KIF13A: variants seen among roughly 807,000 people sequenced by gnomAD.
KIF13A encodes kinesin-like protein KIF13A.
Under a neutral mutation model 212.2 loss-of-function variants are expected in KIF13A, and 79 were observed. The observed-to-expected ratio is 0.37, with a 90% CI of 0.31 to 0.45. The LOEUF is 0.45. KIF13A is among the 20% of genes least tolerant of loss of function. The probability of loss-of-function intolerance (pLI) is 1.00; values close to 1 mark genes in which losing one functional copy is unlikely to be tolerated. For synonymous variants in KIF13A, 789 were observed against 808.6 expected (o/e 0.98, Z 0.41); for missense variants, 1,901 against 2,209.0 (o/e 0.86, Z 2.79).
chr6:17,937,604 A>C (rs1776578073), intron 2 of KIF13A, among the ~76,000 whole-genome samples: 1 of 152,214 alleles, frequency 6.6e-6, no homozygotes, highest in African/African-American at 2.4e-5. Flanking sequence ...TGCTAAGTGA[A>C]ATTATAGTTT....
At chr6:17,814,047 G>A (rs1197844462) in intron 17 of KIF13A, among the ~76,000 whole-genome samples, 5 of 148,856 alleles carry the variant, frequency 3.4e-5, no homozygotes, top group Non-Finnish European at 5.9e-5. Flanking sequence ...CCGCCTCCCA[G>A]GTTCACGCCA....
intron 16 of KIF13A, among the ~76,000 whole-genome samples, chr6:17,818,416 G>T (rs995978657): frequency 6.6e-6 from 1 of 152,212 alleles, no homozygotes; most frequent in Non-Finnish European, 1.5e-5. Flanking sequence ...CATGTAAATT[G>T]TAATAATTTT....
chr6:17,825,703 C>CA lies in KIF13A; in HGVS notation c.1786+64_1786+65insT, dbSNP rs1475254273. On this transcript the variant is annotated intron_variant, in intron 16 of 38. Transcript: ENST00000259711. The surrounding 1 kb of genome is among the most constrained non-coding windows in gnomAD (Gnocchi z 4.5). ...GGAATGACACCTGATGCATGCTTAT[C>CA]CCTCACTGAATGGTGTGAGGTGAGG... 1 of 1,395,430 alleles carries CA rather than the reference C, an allele frequency of 7.2e-7. No homozygotes were observed. Among genetic ancestry groups the CA allele is most frequent in the Non-Finnish European group, 9.9e-7 (1 of 1,009,188 alleles). 86.4% of individuals were successfully genotyped at this position (1,395,430 alleles called of 1,614,324 possible).
downstream of KIF13A, among the ~76,000 whole-genome samples, chr6:17,763,474 T>TC (rs1758682865): frequency 4.9e-5 from 1 of 20,516 alleles, no homozygotes; most frequent in Non-Finnish European, 1.1e-4. Context: ...ACACTCCATC[T>TC]CAAAAAAAAA....
At chr6:17,894,673 C>T (rs1253001590) in intron 3 of KIF13A, among the ~76,000 whole-genome samples, 1 of 152,070 alleles carries the variant, frequency 6.6e-6, no homozygotes, top group African/African-American at 2.4e-5. Flanking sequence ...AATATTGATA[C>T]ATTATTCATA....
Position 17,912,087 on chromosome 6 carries a change from A to G in KIF13A, c.147-13907T>C, listed in dbSNP as rs1259654631. Among the ~76,000 whole-genome samples, 1 of 152,182 alleles carries G rather than the reference A, an allele frequency of 6.6e-6. No homozygotes were observed. The highest frequency in any genetic ancestry group is 1.5e-5 in the Non-Finnish European group (1 of 68,048). On this transcript the variant is annotated intron_variant, in intron 2 of 38. Transcript: ENST00000259711. The surrounding 1 kb of genome is among the most constrained non-coding windows in gnomAD (Gnocchi z 4.2). Reference sequence around the variant, plus strand: ...ATAATAATTTAACTGTACATTTAAAAATAACTAAAAGAGTATAATTGGATT... The same window carrying G: ...ATAATAATTTAACTGTACATTTAAAGATAACTAAAAGAGTATAATTGGATT...
intron 6 of KIF13A, among the ~76,000 whole-genome samples, chr6:17,853,730 T>G (rs2150403497): frequency 6.6e-6 from 1 of 152,238 alleles, no homozygotes; most frequent in South Asian, 2.1e-4. Context: ...ACACATATAT[T>G]ATGATGTCAT....
In KIF13A at chr6:17,886,309, G is replaced by A. The variant is rs765810110; in HGVS notation, c.159+11859C>T. 2.0e-5 allele frequency among the ~76,000 whole-genome samples: 3 copies of A among 152,160 alleles called. No homozygotes were observed. Among genetic ancestry groups the A allele is most frequent in the Non-Finnish European group, 2.9e-5 (2 of 68,022 alleles). On this transcript the variant is annotated intron_variant, in intron 3 of 38. Transcript: ENST00000259711. The surrounding 1 kb of genome is among the most constrained non-coding windows in gnomAD (Gnocchi z 5.6). Reference sequence around the variant, plus strand: ...GCCAGGTACATAGAGCCACAGAGAGGAGAATGCTAGGCTGACTCCATGGCC... The same window carrying A: ...GCCAGGTACATAGAGCCACAGAGAGAAGAATGCTAGGCTGACTCCATGGCC...
chr6:17,796,941 G>A (rs147009228), intron 22 of KIF13A, 121 bp from the exon 23 acceptor site: 44 of 505,920 alleles, frequency 8.7e-5, no homozygotes, highest in African/African-American at 5.4e-4. Context: ...CCTTAAATCC[G>A]TCTCTTCTGT....
At chr6:17,824,774 A>AAAAC (rs1764813294) in intron 16 of KIF13A, among the ~76,000 whole-genome samples, 1 of 148,060 alleles carries the variant, frequency 6.8e-6, no homozygotes, top group South Asian at 2.1e-4. Context: ...AAAAAAAAAA[A>AAAAC]AAAAAACAAA....
Position 17,926,175 on chromosome 6 carries a change from A to C in KIF13A, c.147-27995T>G, listed in dbSNP as rs1775482782. Among the ~76,000 whole-genome samples, 1 of 152,190 alleles carries C rather than the reference A, an allele frequency of 6.6e-6. No homozygotes were observed. The highest frequency in any genetic ancestry group is 1.5e-5 in the Non-Finnish European group (1 of 68,030). On this transcript the variant is annotated intron_variant, in intron 2 of 38. Transcript: ENST00000259711. The surrounding 1 kb of genome is among the most constrained non-coding windows in gnomAD (Gnocchi z 4.3). Reference sequence around the variant, plus strand: ...TTATCTTGTATTAATATATAGAGTGACCAACATTCAGTTCTTGTAAACTTC... The same window carrying C: ...TTATCTTGTATTAATATATAGAGTGCCCAACATTCAGTTCTTGTAAACTTC...
chr6:17,877,688 T>C lies in KIF13A; in HGVS notation c.160-4251A>G, dbSNP rs1581611749. Among the ~76,000 whole-genome samples the C allele has an allele frequency of 3.3e-5, 5 of 152,158 alleles. No homozygotes were observed. In the South Asian group the frequency reaches 6.3e-4, roughly 19 times the overall value. On this transcript the variant is annotated intron_variant, in intron 3 of 38. Coordinates refer to ENST00000259711, the MANE Select transcript of KIF13A (RefSeq NM_022113.6). ...TTTTCTTTTTGTTTTTTTTGAAGTA[T>C]CTTTACCGCTCTCCTTCTTATATCC...
rs750404304 is a variant in KIF13A at position 17,794,651 on chromosome 6, T to C, written c.2996A>G (p.Asn999Ser). 1 of 1,613,058 alleles carries C rather than the reference T, an allele frequency of 6.2e-7. No individual in the cohort carries two copies. Among genetic ancestry groups the C allele is most frequent in the African/African-American group, 1.3e-5 (1 of 74,810 alleles). The change falls in exon 24 of 39, where the codon AAT (asparagine) becomes AGT (serine). Residue 999 changes from asparagine to serine, a missense_variant. This residue lies in a region of KIF13A where 168 missense variants were observed against 250.9 expected (regional missense o/e 0.67). Coordinates refer to ENST00000259711, the MANE Select transcript of KIF13A (RefSeq NM_022113.6). This position sits in a 1 kb window ranked among gnomAD's most constrained non-coding sequence, Gnocchi z 4.1. ...CACTGCAGCATACTCTCCTAACTCA[T>C]TCAATTCTAATATGGAGATCCACAT... ...IEMWISILELNELGEYAAVEL... is the reference protein window; with the variant it reads ...IEMWISILELSELGEYAAVEL...
In KIF13A at chr6:17,776,329, C is replaced by G. The variant is rs1363943336; in HGVS notation, c.4170+948G>C. ...ATACAGAATTATAGGGAATTTAGGG[C>G]TAATAATTTCTAGGTACCACTTTAG... On this transcript the variant is annotated intron_variant, in intron 34 of 38. Transcript: ENST00000259711. The surrounding 1 kb of genome is among the most constrained non-coding windows in gnomAD (Gnocchi z 4.6). Among the ~76,000 whole-genome samples, 1 of 152,112 alleles carries G rather than the reference C, an allele frequency of 6.6e-6. No homozygotes were observed.
At chr6:17,938,174 C>A (rs1338945794) in intron 2 of KIF13A, among the ~76,000 whole-genome samples, 3 of 152,200 alleles carry the variant, frequency 2.0e-5, no homozygotes. Flanking sequence ...GGATTACAGG[C>A]ATGAGCCACC....
chr6:17,850,422 A>C lies in KIF13A; in HGVS notation c.618T>G (p.Ser206=). ...IESLMSEGNK[S]RTVAATNMNE... ...TCATGTTGGTAGCAGCTACCGTTCG[A>C]GACTTATTTCCCTCAGACATCAATG... Residue 206 remains serine (S), a synonymous_variant, in exon 8 of 39, where the codon TCT becomes TCG. Transcript: ENST00000259711. The surrounding 1 kb of genome is among the most constrained non-coding windows in gnomAD (Gnocchi z 6.2). 1 of 1,613,782 alleles carries C rather than the reference A, an allele frequency of 6.2e-7. No homozygotes were observed. Among genetic ancestry groups the C allele is most frequent in the East Asian group, 2.2e-5 (1 of 44,872 alleles).
Position 17,987,275 on chromosome 6 carries a change from C to T in KIF13A, c.56-131G>A. 1.2e-6 allele frequency: 1 copy of T among 842,064 alleles called. No homozygotes were observed. Among genetic ancestry groups the T allele is most frequent in the African/African-American group, 1.8e-5 (1 of 54,414 alleles). The allele number at this position is 842,064 out of a possible 1,614,324, so 52.2% of individuals were successfully genotyped here. On this transcript the variant is annotated intron_variant, in intron 1 of 38. Transcript: ENST00000259711. The surrounding 1 kb of genome is among the most constrained non-coding windows in gnomAD (Gnocchi z 7.7). ...CCTGGAGACGGCGCCCCGGGCACCA[C>T]GGCCAGCGCGGACGCCGCCTCCGCC...
intron 18 of KIF13A, among the ~76,000 whole-genome samples, chr6:17,808,469 A>G (rs1049489316): frequency 6.6e-5 from 10 of 152,212 alleles, no homozygotes; most frequent in East Asian, 3.8e-4. Context: ...GGGCATTTAC[A>G]TGCAAAAAAA....
chr6:17,795,753 G>A (rs1035068505), intron 23 of KIF13A, among the ~76,000 whole-genome samples: 3 of 152,146 alleles, frequency 2.0e-5, no homozygotes, highest in Non-Finnish European at 4.4e-5. Context: ...ATTGCAGCTT[G>A]TGTATTCATT....
Sources: allele counts gnomAD v4.1 joint callset (sites outside exome capture counted in the v4.1 genomes callset), GRCh38; gene constraint gnomAD v4.1.1; regional missense constraint gnomAD v4.1.1; non-coding constraint Gnocchi (gnomAD v3.1); transcripts MANE v1.5; gene names NCBI Gene and HGNC (gene_info 2026-07-23, HGNC 2026-07-21).